The following TBL1XR1 variants were observed in gnomAD, a reference collection of about 807,000 sequenced individuals.
TBL1XR1 encodes F-box-like/WD repeat-containing protein TBL1XR1.
Under a neutral mutation model 66.9 loss-of-function variants are expected in TBL1XR1, and 5 were observed. The ratio of observed to expected loss-of-function variants is 0.07; its 90% CI spans 0.04 to 0.16. TBL1XR1 has a LOEUF of 0.16. TBL1XR1 is among the 10% of genes least tolerant of loss of function. The probability of loss-of-function intolerance (pLI) is 1.00; values close to 1 mark genes in which losing one functional copy is unlikely to be tolerated. For synonymous variants in TBL1XR1, 210 were observed against 206.0 expected (o/e 1.02, Z -0.17); for missense variants, 238 against 623.2 (o/e 0.38, Z 6.58).
At position 177,195,359 on chromosome 3, in the gene TBL1XR1, G is replaced by T. The variant is rs1331946299; in HGVS notation, c.-122+1762C>A. On this transcript the variant is annotated intron_variant, in intron 1 of 15. Transcript: ENST00000457928. ...GAACTCTCAACTATTTGGGAAGCTT[G>T]CCATCAACTCCCATGATACCACCCA... is the stretch of plus-strand genomic sequence containing the variant. 4.0e-5 allele frequency among the ~76,000 whole-genome samples: 6 copies of T among 150,118 alleles called. No homozygotes were observed. The East Asian group carries it at 1.2e-3, about 29-fold the overall frequency.
chr3:177,090,810 G>C (rs529259706), intron 2 of TBL1XR1, among the ~76,000 whole-genome samples: 1 of 151,696 alleles, frequency 6.6e-6, no homozygotes, highest in Non-Finnish European at 1.5e-5. Context: ...ACTCCGTCTC[G>C]AAATAAAATA....
chr3:177,148,009 A>G (rs888644598), intron 1 of TBL1XR1, among the ~76,000 whole-genome samples: 5 of 152,232 alleles, frequency 3.3e-5, no homozygotes, highest in African/African-American at 1.2e-4. Context: ...CACCATTAAG[A>G]AAGTTATCTC....
At chr3:177,030,276 T>C (rs992060859) in intron 14 of TBL1XR1, among the ~76,000 whole-genome samples, 1 of 151,710 alleles carries the variant, frequency 6.6e-6, no homozygotes, top group African/African-American at 2.4e-5. Flanking sequence ...AAAATTAATA[T>C]ATTCATATTA....
chr3:177,197,704 G>GCGC (rs1175974820), upstream of TBL1XR1, among the ~76,000 whole-genome samples: 2 of 137,344 alleles, frequency 1.5e-5, no homozygotes, highest in East Asian at 2.3e-4. Context: ...GGCGGCGGCG[G>GCGC]CGCGGCGGGG....
chr3:177,156,114 A>G (rs1304736204), intron 1 of TBL1XR1, among the ~76,000 whole-genome samples: 1 of 147,394 alleles, frequency 6.8e-6, no homozygotes, highest in Non-Finnish European at 1.5e-5. Context: ...AACAGAAACC[A>G]TTAAAAAAAA....
intron 1 of TBL1XR1, among the ~76,000 whole-genome samples, chr3:177,188,500 T>C (rs973848829): frequency 1.8e-4 from 28 of 151,996 alleles, no homozygotes; most frequent in African/African-American, 6.5e-4. Context: ...TGAGCCAAAA[T>C]TGCGCCATTG....
rs1712925944 is a variant in TBL1XR1 at position 177,025,141 on chromosome 3, A to G, written c.*357T>C. On this transcript the variant is annotated 3_prime_UTR_variant, in exon 16 of 16. Coordinates refer to ENST00000457928, the MANE Select transcript of TBL1XR1 (RefSeq NM_024665.7). ...ATAATCCATGGTGTCTGCTGATTCA[A>G]AGGGGAGAAACAAGGCTGTCATTTA... The G allele has an allele frequency of 4.3e-6, 1 of 230,208 alleles. No homozygotes were observed. The highest frequency in any genetic ancestry group is 2.3e-5 in the African/African-American group (1 of 44,190). 14.3% of individuals were successfully genotyped at this position (230,208 alleles called of 1,614,324 possible).
chr3:177,056,042 G>C (rs547805857), intron 3 of TBL1XR1, among the ~76,000 whole-genome samples: 1 of 152,132 alleles, frequency 6.6e-6, no homozygotes, highest in South Asian at 2.1e-4. Context: ...GAGAGAGTGA[G>C]CTCCTGTTTC....
chr3:177,058,452 T>C (rs1185801023), intron 3 of TBL1XR1, among the ~76,000 whole-genome samples: 1 of 152,224 alleles, frequency 6.6e-6, no homozygotes, highest in African/African-American at 2.4e-5. Flanking sequence ...ACATTTTATA[T>C]AAATAATACT....
chr3:177,187,086 G>A (rs1195932960), intron 1 of TBL1XR1, among the ~76,000 whole-genome samples: 2 of 150,988 alleles, frequency 1.3e-5, no homozygotes, highest in Admixed American at 6.6e-5. Context: ...AGAATGGCAT[G>A]AACCCGGGAG....
At chr3:177,030,058 G>T (rs1713724936) in intron 14 of TBL1XR1, among the ~76,000 whole-genome samples, 1 of 151,998 alleles carries the variant, frequency 6.6e-6, no homozygotes, top group East Asian at 1.9e-4. Context: ...TACCGTATGG[G>T]CCATGACTTC....
At chr3:177,045,972 A>C (rs1031953768) in intron 10 of TBL1XR1, among the ~76,000 whole-genome samples, 157 bp downstream of exon 10, 1 of 152,164 alleles carries the variant, frequency 6.6e-6, no homozygotes, top group Non-Finnish European at 1.5e-5. Flanking sequence ...TCTGACAATT[A>C]AGAGTCTGAA....
chr3:177,076,130 T>G (rs1054070989), intron 2 of TBL1XR1, among the ~76,000 whole-genome samples: 1 of 152,244 alleles, frequency 6.6e-6, no homozygotes, highest in African/African-American at 2.4e-5. Context: ...CTCCTCATAC[T>G]GTTTAAGGAG....
intron 1 of TBL1XR1, among the ~76,000 whole-genome samples, chr3:177,168,303 CG>C (rs1733069808): frequency 6.9e-6 from 1 of 144,100 alleles, no homozygotes; most frequent in East Asian, 2.0e-4. Context: ...TTTTTTGAGA[CG>C]AAGTTTCACT....
rs1032592177 is a variant in TBL1XR1, at chr3:177,019,405, T to G, written c.*6093A>C. On this transcript the variant is annotated 3_prime_UTR_variant, in exon 16 of 16. Coordinates refer to ENST00000457928, the MANE Select transcript of TBL1XR1 (RefSeq NM_024665.7). The stretch of plus-strand genomic sequence containing the variant: ...TAATATATTTTAAATTGTAAAGAAA[T>G]TACAAGGAACTCCTAAAAAAATTTA... 2 of 152,012 alleles carry G rather than the reference T, an allele frequency of 1.3e-5. No individual in the cohort carries two copies. Among genetic ancestry groups the G allele is most frequent in the Admixed American group, 6.5e-5 (1 of 15,278 alleles). 9.4% of individuals were successfully genotyped at this position (152,012 alleles called of 1,614,324 possible).
upstream of TBL1XR1, among the ~76,000 whole-genome samples, chr3:177,199,738 T>C (rs1268080807): frequency 6.6e-6 from 1 of 152,152 alleles, no homozygotes; most frequent in African/African-American, 2.4e-5. Context: ...GAAGTTCTTA[T>C]ACCCTACACC....
chr3:177,196,310 T>C (rs933620199), intron 1 of TBL1XR1: 8 of 151,866 alleles, frequency 5.3e-5, no homozygotes, highest in African/African-American at 1.4e-4. Context: ...TGTCAGAAAA[T>C]AACGTGACTC....
chr3:177,089,212 G>GA (rs1233228369), intron 2 of TBL1XR1, among the ~76,000 whole-genome samples: 1 of 152,154 alleles, frequency 6.6e-6, no homozygotes, highest in African/African-American at 2.4e-5. Flanking sequence ...CCTGTCAGTA[G>GA]ACCAGAATAT....
intron 1 of TBL1XR1, among the ~76,000 whole-genome samples, chr3:177,099,603 C>A (rs910818120): frequency 6.6e-6 from 1 of 152,244 alleles, no homozygotes; most frequent in Non-Finnish European, 1.5e-5. Context: ...CACTATCCCA[C>A]CAATCCCTGG....
Sources: gnomAD v4.1 joint callset for allele counts (sites outside exome capture counted in the v4.1 genomes callset) on GRCh38, gnomAD v4.1.1 for gene constraint, MANE v1.5 for transcripts, NCBI Gene and HGNC (gene_info 2026-07-23, HGNC 2026-07-21) for gene names.